Variants in SUCLG2 observed in about 807,000 individuals in gnomAD.
SUCLG2 encodes the protein succinate-CoA ligase GDP-forming subunit beta.
A neutral mutation model predicts 47.9 loss-of-function variants in SUCLG2; 42 were observed. That is an observed-to-expected ratio of 0.88 (90% CI 0.69 to 1.14). The LOEUF (loss-of-function observed/expected upper bound fraction) is 1.14. SUCLG2 is among the 50% of genes most tolerant of loss of function. The probability of loss-of-function intolerance (pLI) is 0.00; values close to 1 mark genes in which losing one functional copy is unlikely to be tolerated. For missense variants in SUCLG2, 571 were observed against 525.9 expected, an observed-to-expected ratio of 1.09 and a Z score of -0.84; for synonymous variants, 195 against 197.3, an observed-to-expected ratio of 0.99 and a Z score of 0.10.
intron 2 of SUCLG2, among the ~76,000 whole-genome samples, chr3:67,564,655 C>T (rs1457458523): frequency 1.3e-5 from 2 of 152,180 alleles, no homozygotes; most frequent in African/African-American, 2.4e-5. Flanking sequence ...TAAATGTGGC[C>T]CAATACAAAT....
chr3:67,370,903 A>G (rs556430596), downstream of SUCLG2, among the ~76,000 whole-genome samples: 1 of 152,300 alleles, frequency 6.6e-6, no homozygotes, highest in East Asian at 1.9e-4. Context: ...ACGATTTATC[A>G]TTGTGATGTC....
chr3:67,587,061 AAC>A (rs1328470225), intron 2 of SUCLG2, among the ~76,000 whole-genome samples: 1 of 152,200 alleles, frequency 6.6e-6, no homozygotes, highest in African/African-American at 2.4e-5. Context: ...TCATCCAATA[AAC>A]AGTCACCACA....
intron 2 of SUCLG2, among the ~76,000 whole-genome samples, chr3:67,590,056 G>A (rs1426517910): frequency 6.6e-6 from 1 of 152,002 alleles, no homozygotes; most frequent in African/African-American, 2.4e-5. Context: ...TTGTCCTTCT[G>A]CCTCTGGTCC....
intron 1 of SUCLG2, among the ~76,000 whole-genome samples, chr3:67,638,770 A>G (rs1047991544): frequency 3.3e-5 from 5 of 152,182 alleles, no homozygotes; most frequent in African/African-American, 4.8e-5. Context: ...CAGTAACCCA[A>G]TTGTAGCGGA....
intron 10 of SUCLG2, among the ~76,000 whole-genome samples, chr3:67,366,197 C>G (rs113830001): frequency 0.012 from 1,842 of 152,242 alleles, 26 homozygotes; most frequent in African/African-American, 0.035. Context: ...CGCAGTGGCT[C>G]ACGCCTGTAA....
At chr3:67,549,058 T>C (rs548461377) in intron 2 of SUCLG2, among the ~76,000 whole-genome samples, 3 of 152,298 alleles carry the variant, frequency 2.0e-5, no homozygotes, top group African/African-American at 7.2e-5. Flanking sequence ...TATTTATATA[T>C]AAGTTTTTTA....
chr3:67,494,626 TA>T (rs201892794), intron 9 of SUCLG2, among the ~76,000 whole-genome samples: 4 of 150,668 alleles, frequency 2.7e-5, no homozygotes, highest in Admixed American at 6.6e-5. Flanking sequence ...ACCCTGTCTC[TA>T]AAAAAAAATA....
chr3:67,444,010 T>G (rs1377691067), intron 9 of SUCLG2, among the ~76,000 whole-genome samples: 38 of 84,820 alleles, frequency 4.5e-4, no homozygotes, highest in South Asian at 1.0e-3. Context: ...GGGAGGGAGG[T>G]GGGGGGGTCA....
intron 4 of SUCLG2, among the ~76,000 whole-genome samples, chr3:67,524,535 A>G (rs1404301227): frequency 6.6e-6 from 1 of 152,210 alleles, no homozygotes; most frequent in African/African-American, 2.4e-5. Context: ...CCCCAGGAAT[A>G]CATAACACAT....
At chr3:67,535,745 G>A (rs1706523891) in intron 2 of SUCLG2, among the ~76,000 whole-genome samples, 2 of 152,226 alleles carry the variant, frequency 1.3e-5, no homozygotes, top group African/African-American at 2.4e-5. Context: ...GCAGAGAAGA[G>A]CAAGAAAAGG....
rs75252969 is a variant in SUCLG2, at chr3:67,610,380, G to A, written c.85-784C>T. On this transcript the variant is annotated intron_variant, in intron 1 of 10. Transcript: ENST00000307227. ...GAAGTGGTTTTCCAATATGCACTACGTGTTTATCTGTGTTAAAAGGACACA... is the reference window on the plus strand; with the variant it reads ...GAAGTGGTTTTCCAATATGCACTACATGTTTATCTGTGTTAAAAGGACACA... Among the ~76,000 whole-genome samples the A allele has an allele frequency of 8.9e-3, 1,360 of 152,168 alleles. 24 individuals are homozygous for A. Among genetic ancestry groups the A allele is most frequent in the African/African-American group, 0.031 (1,282 of 41,526 alleles).
At chr3:67,513,142 G>T (rs1185511418) in intron 6 of SUCLG2, among the ~76,000 whole-genome samples, 3 of 151,774 alleles carry the variant, frequency 2.0e-5, no homozygotes, top group Admixed American at 1.3e-4. Context: ...TTAGCATAAT[G>T]TCCTCAAGCC....
chr3:67,481,704 A>C (rs1208192602), intron 9 of SUCLG2, among the ~76,000 whole-genome samples: 1 of 152,194 alleles, frequency 6.6e-6, no homozygotes, highest in East Asian at 1.9e-4. Flanking sequence ...TTGAGCCTTA[A>C]AAAGACTGCA....
intron 9 of SUCLG2, among the ~76,000 whole-genome samples, chr3:67,424,684 C>T (rs990016707): frequency 6.6e-6 from 1 of 152,098 alleles, no homozygotes; most frequent in African/African-American, 2.4e-5. Context: ...GTCATAAGAG[C>T]TCAGTAATTG....
chr3:67,394,135 G>T (rs548145597), intron 10 of SUCLG2, among the ~76,000 whole-genome samples: 10,790 of 152,002 alleles, frequency 0.071, 377 homozygotes, highest in Middle Eastern at 0.13. Flanking sequence ...CCAAAGGAAT[G>T]CAGTTCCTCA....
chr3:67,415,346 C>G (rs762563903), intron 9 of SUCLG2, among the ~76,000 whole-genome samples: 1 of 152,202 alleles, frequency 6.6e-6, no homozygotes, highest in Non-Finnish European at 1.5e-5. Flanking sequence ...TTACACATGA[C>G]AGCAATCATG....
At chr3:67,403,613 G>A (rs1453750836) in intron 9 of SUCLG2, among the ~76,000 whole-genome samples, 2 of 152,118 alleles carry the variant, frequency 1.3e-5, no homozygotes, top group Non-Finnish European at 2.9e-5. Flanking sequence ...GTCTCACACA[G>A]CCAAGACCAG....
chr3:67,456,312 T>A lies in SUCLG2; in HGVS notation c.1062+39486A>T, dbSNP rs185705604. 1.7e-4 allele frequency among the ~76,000 whole-genome samples: 26 copies of A among 152,312 alleles called. No homozygotes were observed. In the East Asian group the frequency reaches 3.1e-3, roughly 18 times the overall value. On this transcript the variant is annotated intron_variant, in intron 9 of 10. Coordinates refer to ENST00000307227, the MANE Select transcript of SUCLG2 (RefSeq NM_003848.4). Reference sequence around the variant, plus strand: ...TATGGCCCATTATATGCAAGGGCTATAACATAGGCAGGTCTTAGGGAATAT... The same window carrying A: ...TATGGCCCATTATATGCAAGGGCTAAAACATAGGCAGGTCTTAGGGAATAT...
chr3:67,552,391 C>G (rs1476542983), intron 2 of SUCLG2, among the ~76,000 whole-genome samples: 1 of 152,042 alleles, frequency 6.6e-6, no homozygotes, highest in African/African-American at 2.4e-5. Flanking sequence ...AAGGCCCACT[C>G]TATTGGTGTA....
Sources: allele counts gnomAD v4.1 joint callset (sites outside exome capture counted in the v4.1 genomes callset), GRCh38; gene constraint gnomAD v4.1.1; transcripts MANE v1.5; gene names NCBI Gene and HGNC (gene_info 2026-07-23, HGNC 2026-07-21).